CEP126: variants seen among roughly 807,000 people sequenced by gnomAD.
The protein encoded by CEP126 is centrosomal protein of 126 kDa.
CEP126 carries 74 observed loss-of-function variants against 107.8 expected under a neutral mutation model. The observed-to-expected ratio is 0.69, with a 90% CI of 0.57 to 0.83. The LOEUF (loss-of-function observed/expected upper bound fraction) is 0.83. Ranked by LOEUF, CEP126 falls within the 40% of genes least tolerant of loss-of-function variation. The probability of loss-of-function intolerance (pLI) is 0.00; values close to 1 mark genes in which losing one functional copy is unlikely to be tolerated. For synonymous variants in CEP126, 449 were observed against 446.0 expected, an observed-to-expected ratio of 1.01 and a Z score of -0.08; for missense variants, 1,237 against 1,281.9, an observed-to-expected ratio of 0.96 and a Z score of 0.53.
At chr11:101,976,279 G>C (rs1490593958) in intron 6 of CEP126, among the ~76,000 whole-genome samples, 1 of 152,158 alleles carries the variant, frequency 6.6e-6, no homozygotes, top group Non-Finnish European at 1.5e-5. Flanking sequence ...ATTCGGGCTG[G>C]TGTGAAATGG....
In CEP126 at chr11:101,962,882, C is replaced by G; in HGVS notation, c.1847C>G (p.Thr616Arg). The G allele has an allele frequency of 6.2e-7, 1 of 1,609,070 alleles. No homozygotes were observed. The highest frequency in any genetic ancestry group is 8.5e-7 in the Non-Finnish European group (1 of 1,178,900). The change falls in exon 6 of 11, where the codon ACA becomes AGA. Residue 616 changes from threonine to arginine, a missense_variant. Physicochemically the swap from Thr to Arg is moderately conservative, Grantham distance 71. Around this residue, in one of 3 missense-constraint regions of CEP126, gnomAD observed 1,134 missense variants for 1,150.5 expected, o/e 0.99. Transcript: ENST00000263468. ...GCTATCAGAGATAGTATTGAATTAACAAAGGAAAAAGGTGCAGAAATTCCA... is the reference window on the plus strand; with the variant it reads ...GCTATCAGAGATAGTATTGAATTAAGAAAGGAAAAAGGTGCAGAAATTCCA... ...AAAIRDSIEL[T>R]KEKGAEIPKT...
chr11:101,956,172 A>G, intron 4 of CEP126: 1 of 456,402 alleles, frequency 2.2e-6, no homozygotes, highest in Non-Finnish European at 4.4e-6. Flanking sequence ...AAGTTATTTT[A>G]CAAAACTTTC....
At chr11:101,956,213 T>G (rs374113614) in intron 4 of CEP126, 106 of 456,360 alleles carry the variant, frequency 2.3e-4, no homozygotes, top group African/African-American at 1.9e-3. Context: ...AGCACAGCAT[T>G]CTACTGCAGC....
chr11:101,995,214 T>C (rs147351620), intron 10 of CEP126, among the ~76,000 whole-genome samples: 71 of 152,324 alleles, frequency 4.7e-4, no homozygotes, highest in African/African-American at 1.5e-3. Context: ...CTTTTCAAAC[T>C]TTAGTGTACT....
chr11:101,951,608 T>C (rs770288116), intron 4 of CEP126, among the ~76,000 whole-genome samples: 2 of 151,308 alleles, frequency 1.3e-5, no homozygotes, highest in Admixed American at 6.6e-5. Flanking sequence ...ATAGACAGAA[T>C]AGAAGCAGAA....
At chr11:101,977,579 C>T (rs1243612768) in intron 6 of CEP126, among the ~76,000 whole-genome samples, 8 of 142,740 alleles carry the variant, frequency 5.6e-5, no homozygotes, top group Non-Finnish European at 1.0e-4. Context: ...TGCAGTGAGC[C>T]GAGATCGCAC....
At chr11:101,969,059 C>T (rs1045922377) in intron 6 of CEP126, among the ~76,000 whole-genome samples, 1 of 152,104 alleles carries the variant, frequency 6.6e-6, no homozygotes, top group Non-Finnish European at 1.5e-5. Context: ...CTCACTCTGT[C>T]ACCCAGGCTG....
intron 9 of CEP126, among the ~76,000 whole-genome samples, chr11:101,989,394 C>T (rs1941350660): frequency 6.6e-6 from 1 of 152,086 alleles, no homozygotes; most frequent in Non-Finnish European, 1.5e-5. Context: ...CCACTAGATG[C>T]CACAGCACTT....
At chr11:101,943,347 T>C (rs867877609) in intron 2 of CEP126, among the ~76,000 whole-genome samples, 1 of 152,026 alleles carries the variant, frequency 6.6e-6, no homozygotes, top group African/African-American at 2.4e-5. Flanking sequence ...AGTAGAATAA[T>C]GTTCTAGCCA....
At chr11:101,947,604 G>A (rs1397362011) in intron 3 of CEP126, among the ~76,000 whole-genome samples, 1 of 152,028 alleles carries the variant, frequency 6.6e-6, no homozygotes, top group Non-Finnish European at 1.5e-5. Context: ...CCATAGTGAG[G>A]GTTAGTTTAT....
intron 6 of CEP126, among the ~76,000 whole-genome samples, chr11:101,968,601 T>C (rs1008434127): frequency 6.6e-6 from 1 of 152,156 alleles, no homozygotes; most frequent in Admixed American, 6.5e-5. Flanking sequence ...TGAAATAATA[T>C]GCCTGGAAAC....
chr11:101,925,894 A>T (rs1386967632), intron 2 of CEP126, among the ~76,000 whole-genome samples: 1 of 149,956 alleles, frequency 6.7e-6, no homozygotes, highest in Non-Finnish European at 1.5e-5. Context: ...GACTCAAGTG[A>T]TCTGCCCATC....
chr11:101,917,906 C>T (rs1940253316), intron 1 of CEP126, among the ~76,000 whole-genome samples: 1 of 152,098 alleles, frequency 6.6e-6, no homozygotes, highest in African/African-American at 2.4e-5. Context: ...CAGATTGTAC[C>T]ACTAAAGATT....
chr11:101,967,100 C>T (rs1462014556), intron 6 of CEP126, among the ~76,000 whole-genome samples: 1 of 142,680 alleles, frequency 7.0e-6, no homozygotes, highest in African/African-American at 2.7e-5. Context: ...GTGATCATGG[C>T]TCAGTGCAGC....
rs537676019 is a variant in CEP126, at chr11:101,986,694, G to A, written c.3035-138G>A. 1.7e-5 allele frequency: 10 copies of A among 576,610 alleles called. No individual in the cohort carries two copies. In the African/African-American group the frequency reaches 1.8e-4, roughly 11 times the overall value. The allele number at this position is 576,610 out of a possible 1,614,324, so 35.7% of individuals were successfully genotyped here. On this transcript the variant is annotated intron_variant, in intron 8 of 10. Coordinates refer to ENST00000263468, the MANE Select transcript of CEP126 (RefSeq NM_020802.4). Reference sequence around the variant, plus strand: ...GATCCTGATAAATGAAATCAAAGTAGCAGATATTTGCTAGGTTTCTGCTTG... The same window carrying A: ...GATCCTGATAAATGAAATCAAAGTAACAGATATTTGCTAGGTTTCTGCTTG...
chr11:101,981,577 G>A (rs1941254518), intron 7 of CEP126, among the ~76,000 whole-genome samples: 1 of 152,142 alleles, frequency 6.6e-6, no homozygotes, highest in African/African-American at 2.4e-5. Flanking sequence ...ACAAGCATGA[G>A]CCACCGTGTC....
At chr11:101,932,296 T>C (rs985631789) in intron 2 of CEP126, among the ~76,000 whole-genome samples, 2 of 152,164 alleles carry the variant, frequency 1.3e-5, no homozygotes, top group Non-Finnish European at 2.9e-5. Context: ...GGAGTAGAAA[T>C]GTCTGCTTAT....
intron 4 of CEP126, among the ~76,000 whole-genome samples, chr11:101,949,646 A>C (rs1004371277): frequency 6.6e-6 from 1 of 152,196 alleles, no homozygotes; most frequent in African/African-American, 2.4e-5. Flanking sequence ...CATGGGAAAA[A>C]AAATAGTTTA....
chr11:101,944,905 T>G (rs1289403148), intron 3 of CEP126, among the ~76,000 whole-genome samples: 1 of 152,176 alleles, frequency 6.6e-6, no homozygotes, highest in Non-Finnish European at 1.5e-5. Context: ...ATCTACATTT[T>G]TATACCTTAA....
Sources: gnomAD v4.1 joint callset for allele counts (sites outside exome capture counted in the v4.1 genomes callset) on GRCh38, gnomAD v4.1.1 for gene constraint, gnomAD v4.1.1 regional missense constraint, MANE v1.5 for transcripts, NCBI Gene and HGNC (gene_info 2026-07-23, HGNC 2026-07-21) for gene names.